Variants in RORA observed in about 807,000 individuals in gnomAD.
RORA encodes the protein nuclear receptor ROR-alpha.
A neutral mutation model predicts 69.5 loss-of-function variants in RORA; 7 were observed. The observed-to-expected ratio is 0.10, with a 90% CI of 0.06 to 0.19. RORA has a LOEUF of 0.19. RORA is among the 10% of genes least tolerant of loss of function. The pLI is 1.00. For synonymous variants in RORA, 261 were observed against 240.8 expected, an observed-to-expected ratio of 1.08 and a Z score of -0.78; for missense variants, 457 against 663.0, an observed-to-expected ratio of 0.69 and a Z score of 3.41.
At chr15:60,986,174 C>T (rs971516346) in intron 1 of RORA, among the ~76,000 whole-genome samples, 5 of 151,616 alleles carry the variant, frequency 3.3e-5, no homozygotes, top group Admixed American at 6.6e-5. Flanking sequence ...TGCTCTGTCA[C>T]CCAGGCTGGA....
chr15:60,737,627 A>C (rs936269898), intron 1 of RORA, among the ~76,000 whole-genome samples: 2 of 152,218 alleles, frequency 1.3e-5, no homozygotes, highest in African/African-American at 2.4e-5. Flanking sequence ...TGGGGGCTAT[A>C]AGCGTCATGT....
At chr15:61,093,266 G>A (rs2078735921) in intron 1 of RORA, among the ~76,000 whole-genome samples, 1 of 152,070 alleles carries the variant, frequency 6.6e-6, no homozygotes, top group Non-Finnish European at 1.5e-5. Context: ...TCCTATTACT[G>A]TGTTCCTACC....
At chr15:60,533,672 G>A (rs769987265) in intron 2 of RORA, among the ~76,000 whole-genome samples, 4 of 152,228 alleles carry the variant, frequency 2.6e-5, no homozygotes, top group Non-Finnish European at 5.9e-5. Flanking sequence ...GCTATCAGCT[G>A]AGAGTTATTG....
chr15:60,738,376 G>A lies in RORA; in HGVS notation c.167-59690C>T, dbSNP rs1488986672. ...CACTTTTATCTTTTCCCAGATCCCC[G>A]GGCTGACTCCTGCCCCAACCACAAA... On this transcript the variant is annotated intron_variant, in intron 1 of 10. Transcript: ENST00000335670. 2.0e-5 allele frequency among the ~76,000 whole-genome samples: 3 copies of A among 152,108 alleles called. No homozygotes were observed. The East Asian group carries it at 5.8e-4, about 29-fold the overall frequency.
At chr15:60,527,456 C>A (rs1480784691) in intron 3 of RORA, among the ~76,000 whole-genome samples, 4 of 152,222 alleles carry the variant, frequency 2.6e-5, no homozygotes, top group Non-Finnish European at 4.4e-5. Flanking sequence ...GTTACCATGG[C>A]CTTTTCTTGT....
intron 1 of RORA, among the ~76,000 whole-genome samples, chr15:61,068,217 A>G (rs1345321121): frequency 6.6e-6 from 1 of 152,236 alleles, no homozygotes; most frequent in African/African-American, 2.4e-5. Flanking sequence ...CACTTGGCCC[A>G]TGATGGCTTT....
chr15:60,873,003 T>C (rs1379011198), intron 1 of RORA, among the ~76,000 whole-genome samples: 1 of 152,186 alleles, frequency 6.6e-6, no homozygotes, highest in Non-Finnish European at 1.5e-5. Context: ...ATGGGCTCCC[T>C]CTTTCCTCTT....
intron 2 of RORA, among the ~76,000 whole-genome samples, chr15:60,671,161 C>T (rs2070462926): frequency 6.8e-6 from 1 of 147,802 alleles, no homozygotes. Context: ...TTCAAAGAAA[C>T]CACTGTGTCC....
intron 2 of RORA, among the ~76,000 whole-genome samples, chr15:60,560,127 T>C (rs148829947): frequency 0.037 from 5,584 of 152,216 alleles, 347 homozygotes; most frequent in African/African-American, 0.13. Flanking sequence ...CCCTATGAGA[T>C]TGTATTAAAT....
chr15:60,934,239 C>T (rs1262733924), intron 1 of RORA, among the ~76,000 whole-genome samples: 1 of 152,214 alleles, frequency 6.6e-6, no homozygotes, highest in Non-Finnish European at 1.5e-5. Context: ...AAGCTTGGCA[C>T]CTGCCCTATG....
chr15:60,772,469 T>A (rs78023262), intron 1 of RORA, among the ~76,000 whole-genome samples: 15,195 of 152,180 alleles, frequency 0.1, 1,103 homozygotes, highest in Non-Finnish European at 0.15. Context: ...TACCACAGAG[T>A]AATAATGTCA....
chr15:60,837,596 T>C lies in RORA; in HGVS notation c.167-158910A>G, dbSNP rs112921025. ...CCTTCCATGGGGAGCCTGTTTGGAG[T>C]GTAGGGGCGCACCCACTCTAAGTCA... On this transcript the variant is annotated intron_variant, in intron 1 of 10. Coordinates refer to ENST00000335670, the MANE Select transcript of RORA (RefSeq NM_134261.3). Among the ~76,000 whole-genome samples, 1,009 of 152,056 alleles carry C rather than the reference T, an allele frequency of 6.6e-3. 14 individuals are homozygous for C. The highest frequency in any genetic ancestry group is 0.023 in the African/African-American group (963 of 41,448).
intron 1 of RORA, among the ~76,000 whole-genome samples, chr15:60,852,066 C>A (rs753554506): frequency 9.2e-5 from 14 of 152,208 alleles, no homozygotes; most frequent in Non-Finnish European, 1.6e-4. Context: ...CAATCCCTGA[C>A]AGGCCCTGTC....
chr15:60,494,899 T>C lies in RORA; in HGVS notation c.*2556A>G, dbSNP rs989316147. 2.6e-5 allele frequency: 4 copies of C among 152,226 alleles called. No homozygotes were observed. The highest frequency in any genetic ancestry group is 9.6e-5 in the African/African-American group (4 of 41,454). The allele number at this position is 152,226 out of a possible 1,614,324, so 9.4% of individuals were successfully genotyped here. ...ATTTCTTTTTAAGTTCATCATTATG[T>C]TCTCTCTCACCCTTAGAGAAATTCA... On this transcript the variant is annotated 3_prime_UTR_variant, in exon 11 of 11. Coordinates refer to ENST00000335670, the MANE Select transcript of RORA (RefSeq NM_134261.3).
Position 61,150,802 on chromosome 15 carries a change from G to GA in RORA, c.166+78250dup, listed in dbSNP as rs199652971. Reference sequence around the variant, plus strand: ...CTTGTTCTGTTTAAGGCAATGGTCTGAAAAAAAAATGTGCTGGGAGGAAAA... The same window carrying GA: ...CTTGTTCTGTTTAAGGCAATGGTCTGAAAAAAAAAATGTGCTGGGAGGAAAA... On this transcript the variant is annotated intron_variant, in intron 1 of 10. Transcript: ENST00000335670. 5.0e-3 allele frequency among the ~76,000 whole-genome samples: 753 copies of GA among 151,070 alleles called. 3 individuals carry two copies. Among genetic ancestry groups the GA allele is most frequent in the African/African-American group, 0.017 (710 of 41,236 alleles).
Position 60,908,020 on chromosome 15 carries a change from T to C in RORA, c.167-229334A>G, listed in dbSNP as rs573815412. On this transcript the variant is annotated intron_variant, in intron 1 of 10. Transcript: ENST00000335670. Reference sequence around the variant, plus strand: ...CTGTGAGGCTGTGCATGGGGTCAGCTCCAATGCTCGGAACGTCCCGCCTCC... The same window carrying C: ...CTGTGAGGCTGTGCATGGGGTCAGCCCCAATGCTCGGAACGTCCCGCCTCC... Among the ~76,000 whole-genome samples the C allele has an allele frequency of 2.5e-3, 379 of 152,322 alleles. 2 individuals are homozygous for C. The highest frequency in any genetic ancestry group is 8.3e-3 in the African/African-American group (347 of 41,572).
At position 61,008,201 on chromosome 15, in the gene RORA, CTCTGTGTGTG is replaced by C. The variant is rs1185228430; in HGVS notation, c.166+220842_166+220851del. On this transcript the variant is annotated intron_variant, in intron 1 of 10. Transcript: ENST00000335670. ...TAAAGAATTTCAAAATTCTCTCTCT[CTCTGTGTGTG>C]TGTGTGTGTGTGTGTGTGTGTGTGT... Among the ~76,000 whole-genome samples the C allele has an allele frequency of 1.5e-3, 157 of 106,706 alleles. 1 individual carries two copies. The highest frequency in any genetic ancestry group is 3.1e-3 in the African/African-American group (98 of 32,068). The allele number at this position is 106,706 out of a possible 152,430, so 70.0% of individuals were successfully genotyped here.
chr15:61,025,585 A>G (rs1356383325), intron 1 of RORA, among the ~76,000 whole-genome samples: 1 of 152,224 alleles, frequency 6.6e-6, no homozygotes, highest in Admixed American at 6.5e-5. Context: ...AACACAGGAC[A>G]CCTTGTGGAC....
intron 1 of RORA, among the ~76,000 whole-genome samples, chr15:60,749,976 G>A (rs1327342889): frequency 6.6e-6 from 1 of 152,202 alleles, no homozygotes; most frequent in Non-Finnish European, 1.5e-5. Context: ...GCTGCGGTGA[G>A]CCATGAGTAC....
Sources: gnomAD v4.1 joint callset for allele counts (sites outside exome capture counted in the v4.1 genomes callset) on GRCh38, gnomAD v4.1.1 for gene constraint, MANE v1.5 for transcripts, NCBI Gene and HGNC (gene_info 2026-07-23, HGNC 2026-07-21) for gene names.